The following SKI variants were observed in gnomAD, a reference collection of about 807,000 sequenced individuals.
The protein encoded by SKI is ski oncogene.
SKI carries 23 observed loss-of-function variants against 59.3 expected under a neutral mutation model. That is an observed-to-expected ratio of 0.39 (90% CI 0.28 to 0.55). The LOEUF is 0.55. Ranked by LOEUF, SKI falls within the 20% of genes least tolerant of loss-of-function variation. SKI has a pLI of 0.67. For synonymous variants in SKI, 673 were observed against 488.6 expected, an observed-to-expected ratio of 1.38 and a Z score of -4.98; for missense variants, 1,017 against 1,038.9, an observed-to-expected ratio of 0.98 and a Z score of 0.29.
chr1:2,299,214 A>G (rs530359263), intron 1 of SKI, among the ~76,000 whole-genome samples: 119 of 152,052 alleles, frequency 7.8e-4, no homozygotes, highest in Non-Finnish European at 1.4e-3. Context: ...AGCTGTGGGC[A>G]TCAGCTCGGG....
chr1:2,295,063 G>T (rs924541723), intron 1 of SKI, among the ~76,000 whole-genome samples: 6 of 152,240 alleles, frequency 3.9e-5, no homozygotes, highest in Non-Finnish European at 8.8e-5. Flanking sequence ...GCTTTAGAAG[G>T]TGAAAAACTA....
intron 1 of SKI, among the ~76,000 whole-genome samples, chr1:2,230,225 C>T (rs1026813007): frequency 6.6e-6 from 1 of 152,238 alleles, no homozygotes; most frequent in African/African-American, 2.4e-5. Context: ...CCCCAGGAGA[C>T]AGAGCTTGGG....
Position 2,306,606 on chromosome 1 carries a change from C to A in SKI, c.2028C>A (p.His676Gln). 6.5e-7 allele frequency: 1 copy of A among 1,543,972 alleles called. No individual in the cohort carries two copies. Among genetic ancestry groups the A allele is most frequent in the Non-Finnish European group, 8.7e-7 (1 of 1,145,502 alleles). ...QIEDLQVKLQ[H>Q]AEADREQLRA... ...AAGACCTGCAGGTGAAGCTGCAGCA[C>A]GCGGAGGCGGACCGGGAGCAGCTGC... is the stretch of plus-strand genomic sequence containing the variant. Residue 676 changes from histidine to glutamine, a missense_variant, in exon 7 of 7, where the codon CAC (histidine) becomes CAA (glutamine). His to Gln is a conservative substitution (Grantham distance 24). Coordinates refer to ENST00000378536, the MANE Select transcript of SKI (RefSeq NM_003036.4).
chr1:2,252,051 T>C (rs1639162691), intron 1 of SKI, among the ~76,000 whole-genome samples: 2 of 152,034 alleles, frequency 1.3e-5, no homozygotes, highest in South Asian at 4.1e-4. Flanking sequence ...TGCACACCTG[T>C]GGGGAGGCCT....
chr1:2,262,896 TG>T (rs1569754834), intron 1 of SKI, among the ~76,000 whole-genome samples: 1 of 152,130 alleles, frequency 6.6e-6, no homozygotes, highest in African/African-American at 2.4e-5. Context: ...TTGTTGAATT[TG>T]TTTTTTTTTG....
intron 1 of SKI, among the ~76,000 whole-genome samples, chr1:2,289,459 G>A (rs182265799): frequency 1.1e-4 from 17 of 151,638 alleles, no homozygotes; most frequent in Admixed American, 7.9e-4. Flanking sequence ...CACCAACCCC[G>A]AGCCCCGCGC....
rs1638574366 is a variant in SKI, at chr1:2,229,200, A to G, written c.434A>G (p.Glu145Gly). 6.2e-7 allele frequency: 1 copy of G among 1,610,622 alleles called. No individual in the cohort carries two copies. The highest frequency in any genetic ancestry group is 8.5e-7 in the Non-Finnish European group (1 of 1,179,022). ...CAGCAGATCAACGCGGTGTGCGACG[A>G]GCTCCACATCTACTGCTCGCGCTGC... Reference protein sequence around the residue: ...SLQQINAVCDELHIYCSRCTA... With the variant: ...SLQQINAVCDGLHIYCSRCTA... Residue 145 changes from glutamate (E) to glycine (G), a missense_variant, in exon 1 of 7, where the codon GAG (glutamate) becomes GGG (glycine). By Grantham distance (98) the Glu-to-Gly change is moderately conservative (BLOSUM62 -2). Coordinates refer to ENST00000378536, the MANE Select transcript of SKI (RefSeq NM_003036.4). The surrounding 1 kb of genome is among the most constrained non-coding windows in gnomAD (Gnocchi z 6.3).
At chr1:2,302,388 AG>A in intron 1 of SKI, among the ~76,000 whole-genome samples, 1 of 152,124 alleles carries the variant, frequency 6.6e-6, no homozygotes, top group South Asian at 2.1e-4. Context: ...TCCCATGGGG[AG>A]GGGGCAGCCA....
At chr1:2,279,217 G>C (rs980873353) in intron 1 of SKI, among the ~76,000 whole-genome samples, 1 of 152,208 alleles carries the variant, frequency 6.6e-6, no homozygotes, top group African/African-American at 2.4e-5. Context: ...GACTGCCTCT[G>C]GCCTTTCTTC....
At chr1:2,301,623 C>G (rs541726396) in intron 1 of SKI, among the ~76,000 whole-genome samples, 3 of 152,184 alleles carry the variant, frequency 2.0e-5, no homozygotes, top group African/African-American at 7.2e-5. Context: ...GCCCCATCTT[C>G]CCCCTAGGGA....
intron 1 of SKI, among the ~76,000 whole-genome samples, chr1:2,284,517 C>G (rs551112257): frequency 1.3e-5 from 2 of 152,322 alleles, no homozygotes; most frequent in African/African-American, 4.8e-5. Context: ...TGGAGCAGGG[C>G]AGATGCAGCT....
intron 1 of SKI, among the ~76,000 whole-genome samples, chr1:2,235,748 T>C (rs1385647429): frequency 2.0e-5 from 3 of 152,224 alleles, no homozygotes; most frequent in African/African-American, 7.2e-5. Flanking sequence ...GAATTTTAAA[T>C]GAGATTGTGG....
chr1:2,238,378 TCGG>T (rs1158031722), intron 1 of SKI, among the ~76,000 whole-genome samples: 1 of 151,772 alleles, frequency 6.6e-6, no homozygotes, highest in Non-Finnish European at 1.5e-5. Context: ...CCCTGGAAGG[TCGG>T]CGGCCCTGCG....
intron 1 of SKI, among the ~76,000 whole-genome samples, chr1:2,249,030 A>C (rs1010918682): frequency 2.6e-5 from 4 of 152,244 alleles, no homozygotes; most frequent in Non-Finnish European, 4.4e-5. Flanking sequence ...GGATTCCCGT[A>C]GGTACTTAGC....
Position 2,273,446 on chromosome 1 carries a change from CATGGGG to C in SKI, c.970-29530_970-29525del, listed in dbSNP as rs531301752. ...GCTGAGATGGGACTTCTCAGCTTGG[CATGGGG>C]AGGGCAGGACGGGGTGGCTGCCATG... On this transcript the variant is annotated intron_variant, in intron 1 of 6. Transcript: ENST00000378536. Among the ~76,000 whole-genome samples, 30 of 152,280 alleles carry C rather than the reference CATGGGG, an allele frequency of 2.0e-4. No homozygotes were observed. The East Asian group carries it at 5.4e-3, about 28-fold the overall frequency.
In SKI at chr1:2,228,740, G is replaced by C. The variant is rs1325930832; in HGVS notation, c.-27G>C. The C allele has an allele frequency of 9.2e-7, 1 of 1,085,302 alleles. No homozygotes were observed. The highest frequency in any genetic ancestry group is 6.3e-5 in the East Asian group (1 of 15,772). 67.2% of individuals were successfully genotyped at this position (1,085,302 alleles called of 1,614,324 possible). A position where few individuals can be genotyped will look rare whatever the true frequency, so the allele number is the denominator to read the frequency against. The stretch of plus-strand genomic sequence containing the variant: ...GGGGGGCCCGGGCGCGCGGGAGCGG[G>C]AGCGGCCGGGGGAGCCGGAGCGCAC... On this transcript the variant is annotated 5_prime_UTR_variant, in exon 1 of 7. Transcript: ENST00000378536.
intron 1 of SKI, among the ~76,000 whole-genome samples, chr1:2,256,283 A>G (rs539559449): frequency 6.6e-6 from 1 of 151,238 alleles, no homozygotes; most frequent in African/African-American, 2.4e-5. Flanking sequence ...CTGTGTCCTT[A>G]CCTCATTTCC....
intron 1 of SKI, among the ~76,000 whole-genome samples, chr1:2,250,885 C>A (rs1318697069): frequency 6.6e-6 from 1 of 152,270 alleles, no homozygotes; most frequent in Non-Finnish European, 1.5e-5. Flanking sequence ...TAGCGGCAGC[C>A]CCGGGGGGCC....
In SKI at chr1:2,303,655, C is replaced by T. The variant is rs1640483671; in HGVS notation, c.1212-185C>T. On this transcript the variant is annotated intron_variant, in intron 3 of 6. Transcript: ENST00000378536. This position sits in a 1 kb window ranked among gnomAD's most constrained non-coding sequence, Gnocchi z 5.6. ...CTTGATGTGTTGGCCTGTGTCTGGC[C>T]TTCGCAAGAGACCCAGCAAGCAGAA... 4.7e-6 allele frequency: 4 copies of T among 850,576 alleles called. No homozygotes were observed. The highest frequency in any genetic ancestry group is 3.3e-5 in the South Asian group (2 of 59,990). 52.7% of individuals were successfully genotyped at this position (850,576 alleles called of 1,614,324 possible).
Sources: allele counts gnomAD v4.1 joint callset (sites outside exome capture counted in the v4.1 genomes callset), GRCh38; gene constraint gnomAD v4.1.1; non-coding constraint Gnocchi (gnomAD v3.1); transcripts MANE v1.5; gene names NCBI Gene and HGNC (gene_info 2026-07-23, HGNC 2026-07-21).